NCAM2: variants seen among roughly 807,000 people sequenced by gnomAD.
NCAM2 encodes the protein N-CAM-2.
Under a neutral mutation model 98.1 loss-of-function variants are expected in NCAM2, and 30 were observed. The ratio of observed to expected loss-of-function variants is 0.31; its 90% confidence interval spans 0.23 to 0.41. NCAM2 has a LOEUF of 0.41. NCAM2 is among the 10% of genes least tolerant of loss of function. The pLI is 1.00. For synonymous variants in NCAM2, 368 were observed against 342.4 expected, an observed-to-expected ratio of 1.07 and a Z score of -0.83; for missense variants, 867 against 1,005.8, an observed-to-expected ratio of 0.86 and a Z score of 1.87.
intron 10 of NCAM2, among the ~76,000 whole-genome samples, chr21:21,418,104 TAC>T (rs1555891478): frequency 8.0e-5 from 11 of 137,428 alleles, no homozygotes; most frequent in South Asian, 2.3e-4. Flanking sequence ...CATATATATA[TAC>T]ATGTATACAT....
intron 1 of NCAM2, among the ~76,000 whole-genome samples, chr21:21,085,560 C>T (rs983714063): frequency 6.6e-6 from 1 of 152,120 alleles, no homozygotes; most frequent in Non-Finnish European, 1.5e-5. Flanking sequence ...GGGCTTCTTT[C>T]TCTTCAAATT....
At chr21:21,337,957 G>A (rs1381633189) in intron 7 of NCAM2, among the ~76,000 whole-genome samples, 1 of 151,982 alleles carries the variant, frequency 6.6e-6, no homozygotes, top group Non-Finnish European at 1.5e-5. Context: ...AATTGTGTGT[G>A]CATGTGTCTG....
At chr21:21,011,820 C>T (rs539479582) in intron 1 of NCAM2, among the ~76,000 whole-genome samples, 1 of 151,910 alleles carries the variant, frequency 6.6e-6, no homozygotes, top group Non-Finnish European at 1.5e-5. Context: ...AAAAAGGGGG[C>T]CAAACAACTG....
At chr21:21,345,762 A>G (rs2075170587) in intron 8 of NCAM2, among the ~76,000 whole-genome samples, 1 of 152,116 alleles carries the variant, frequency 6.6e-6, no homozygotes, top group Non-Finnish European at 1.5e-5. Flanking sequence ...ACCGCAGGAA[A>G]GTTATAGAAC....
chr21:21,164,837 C>G (rs541509585), intron 1 of NCAM2, among the ~76,000 whole-genome samples: 1 of 152,106 alleles, frequency 6.6e-6, no homozygotes, highest in Non-Finnish European at 1.5e-5. Flanking sequence ...GGTTTACTCT[C>G]ATGTGAAGAA....
chr21:21,214,718 ATT>A (rs2069800806), intron 1 of NCAM2, among the ~76,000 whole-genome samples: 1 of 62,504 alleles, frequency 1.6e-5, no homozygotes, highest in Admixed American at 2.1e-4. Context: ...AAATATATAT[ATT>A]CCATATATAT....
chr21:21,101,965 A>G (rs1299023175), intron 1 of NCAM2, among the ~76,000 whole-genome samples: 1 of 152,016 alleles, frequency 6.6e-6, no homozygotes, highest in African/African-American at 2.4e-5. Context: ...TGGGTCTAGC[A>G]TGTGGCAAGC....
At chr21:21,265,916 G>A (rs1036374094) in intron 1 of NCAM2, among the ~76,000 whole-genome samples, 18 of 152,070 alleles carry the variant, frequency 1.2e-4, no homozygotes, top group African/African-American at 4.3e-4. Flanking sequence ...AAAAATTATA[G>A]TATAAAAGAT....
At chr21:21,462,315 AG>A (rs1287008779) in intron 12 of NCAM2, among the ~76,000 whole-genome samples, 4 of 152,100 alleles carry the variant, frequency 2.6e-5, no homozygotes, top group Non-Finnish European at 5.9e-5. Flanking sequence ...GAAGAGAGCC[AG>A]GGTTTGAGAA....
intron 9 of NCAM2, among the ~76,000 whole-genome samples, chr21:21,400,509 C>T (rs143808388): frequency 1.3e-3 from 203 of 152,118 alleles, no homozygotes; most frequent in African/African-American, 4.7e-3. Flanking sequence ...AATACATTTA[C>T]CACCAAGGAC....
At chr21:21,237,153 A>G (rs1295401961) in intron 1 of NCAM2, among the ~76,000 whole-genome samples, 1 of 152,192 alleles carries the variant, frequency 6.6e-6, no homozygotes, top group Non-Finnish European at 1.5e-5. Flanking sequence ...CAGAAAGAAT[A>G]CAAATATAAT....
At chr21:21,044,468 GTTCA>G (rs2064969201) in intron 1 of NCAM2, among the ~76,000 whole-genome samples, 1 of 152,036 alleles carries the variant, frequency 6.6e-6, no homozygotes, top group Non-Finnish European at 1.5e-5. Context: ...GGTAACTATG[GTTCA>G]TTATTATAAT....
chr21:21,260,039 A>C (rs2071834053), intron 1 of NCAM2, among the ~76,000 whole-genome samples: 2 of 151,826 alleles, frequency 1.3e-5, no homozygotes, highest in Non-Finnish European at 2.9e-5. Context: ...ATTTCACTAA[A>C]GAAATTTCAA....
intron 16 of NCAM2, among the ~76,000 whole-genome samples, chr21:21,522,119 ATATT>A (rs1167685225): frequency 6.1e-5 from 9 of 148,062 alleles, no homozygotes; most frequent in South Asian, 2.1e-4. Flanking sequence ...TATGAATACT[ATATT>A]TATATATAAA....
intron 11 of NCAM2, among the ~76,000 whole-genome samples, chr21:21,429,967 C>A (rs2077294934): frequency 6.6e-6 from 1 of 152,028 alleles, no homozygotes; most frequent in African/African-American, 2.4e-5. Flanking sequence ...CTACAGTGAC[C>A]TTTTTTAACT....
rs143080792 is a variant in NCAM2, at chr21:21,270,241, A to C, written c.56-10337A>C. On this transcript the variant is annotated intron_variant, in intron 1 of 17. Coordinates refer to ENST00000400546, the MANE Select transcript of NCAM2 (RefSeq NM_004540.5). Reference sequence around the variant, plus strand: ...ATAATTTGGGATTAGCTGCCTCTTCAAGATATTTTAGTTTTAATTAAATAT... The same window carrying C: ...ATAATTTGGGATTAGCTGCCTCTTCCAGATATTTTAGTTTTAATTAAATAT... 7.8e-4 allele frequency among the ~76,000 whole-genome samples: 119 copies of C among 152,258 alleles called. 1 individual carries two copies. Among genetic ancestry groups the C allele is most frequent in the Admixed American group, 1.1e-3 (17 of 15,274 alleles).
chr21:21,041,530 T>C (rs1390543774), intron 1 of NCAM2, among the ~76,000 whole-genome samples: 1 of 152,200 alleles, frequency 6.6e-6, no homozygotes, highest in Admixed American at 6.5e-5. Context: ...TATAAGTGCT[T>C]CTCAGCTTCC....
intron 8 of NCAM2, among the ~76,000 whole-genome samples, chr21:21,343,395 A>G (rs2075101458): frequency 6.9e-6 from 1 of 145,888 alleles, no homozygotes; most frequent in South Asian, 2.1e-4. Flanking sequence ...ACACACACAC[A>G]ATCTTCATGA....
intron 8 of NCAM2, among the ~76,000 whole-genome samples, chr21:21,353,039 A>T (rs904700211): frequency 6.6e-6 from 1 of 152,010 alleles, no homozygotes; most frequent in African/African-American, 2.4e-5. Flanking sequence ...TTTTTAGTAG[A>T]GATGGGGTTT....
Sources: gnomAD v4.1 joint callset for allele counts (sites outside exome capture counted in the v4.1 genomes callset) on GRCh38, gnomAD v4.1.1 for gene constraint, MANE v1.5 for transcripts, NCBI Gene and HGNC (gene_info 2026-07-23, HGNC 2026-07-21) for gene names.